Variants in TAS2R1 observed in about 807,000 individuals in gnomAD.
TAS2R1 encodes the protein taste 2 receptor member 1, also known as taste receptor type 2 member 1.
For missense variants in TAS2R1, 370 were observed against 353.4 expected (o/e 1.05, Z -0.38); for synonymous variants, 141 against 134.2 (o/e 1.05, Z -0.35).
At chr5:9,882,431 G>A in the TAS2R1 span, among the ~76,000 whole-genome samples, 2 of 152,250 alleles carry the variant, frequency 1.3e-5, no homozygotes, top group Admixed American at 1.3e-4. Context: ...TTCAAGACCA[G>A]CTAGGCCAAC....
chr5:9,645,006 A>G (rs1272305427), intron 2 of TAS2R1, among the ~76,000 whole-genome samples: 2 of 152,128 alleles, frequency 1.3e-5, no homozygotes, highest in African/African-American at 4.8e-5. Flanking sequence ...TTGATTATCT[A>G]TGTTATGCTG....
chr5:9,652,551 G>A lies in TAS2R1; in HGVS notation c.-81+6870C>T, dbSNP rs868031675. Among the ~76,000 whole-genome samples, 7 of 152,280 alleles carry A rather than the reference G, an allele frequency of 4.6e-5. No homozygotes were observed. The South Asian group carries it at 8.3e-4, about 18-fold the overall frequency. On this transcript the variant is annotated intron_variant, in intron 2 of 2. Coordinates refer to the TAS2R1 transcript ENST00000506620. ...AAGGATGTGGCTTCCTGAATAATGG[G>A]ATGGAGATTTACCATGGCTGCCTGC...
chr5:9,673,776 G>A (rs78953229), intron 1 of TAS2R1, among the ~76,000 whole-genome samples: 21,467 of 151,940 alleles, frequency 0.14, 1,856 homozygotes, highest in South Asian at 0.21. Flanking sequence ...TTTCACCTGT[G>A]CACAAACGAA....
At chr5:9,815,166 G>C in the TAS2R1 span, among the ~76,000 whole-genome samples, 1 of 152,228 alleles carries the variant, frequency 6.6e-6, no homozygotes, top group African/African-American at 2.4e-5. Flanking sequence ...GATCAAAGTA[G>C]CTACGTCAAG....
intron 2 of TAS2R1, among the ~76,000 whole-genome samples, chr5:9,636,056 T>C (rs1306377557): frequency 6.6e-6 from 1 of 152,104 alleles, no homozygotes; most frequent in African/African-American, 2.4e-5. Context: ...TTTCAGACTT[T>C]CTGATGTAGG....
chr5:9,633,100 C>A (rs897977264), upstream of TAS2R1, among the ~76,000 whole-genome samples: 1 of 151,404 alleles, frequency 6.6e-6, no homozygotes, highest in Non-Finnish European at 1.5e-5. Flanking sequence ...GTTGTATTGG[C>A]GGGCATGAAA....
At chr5:9,861,561 C>T in the TAS2R1 span, among the ~76,000 whole-genome samples, 3 of 152,150 alleles carry the variant, frequency 2.0e-5, no homozygotes, top group Admixed American at 2.0e-4. Flanking sequence ...AGAGTCTTGT[C>T]TATGGTTAGC....
chr5:9,688,871 G>A (rs1020453884), intron 1 of TAS2R1, among the ~76,000 whole-genome samples: 8 of 152,180 alleles, frequency 5.3e-5, no homozygotes, highest in African/African-American at 1.9e-4. Flanking sequence ...GAATGGAGCA[G>A]TGGGAACCCC....
the TAS2R1 span, among the ~76,000 whole-genome samples, chr5:9,883,181 C>T: frequency 6.6e-5 from 10 of 152,140 alleles, no homozygotes; most frequent in East Asian, 1.9e-4. Context: ...ACAATGAGAA[C>T]GTGTGGGCAC....
chr5:9,717,511 A>G, the TAS2R1 span, among the ~76,000 whole-genome samples: 2 of 152,184 alleles, frequency 1.3e-5, no homozygotes, highest in Admixed American at 6.5e-5. Context: ...ATTAGAAAAC[A>G]ACACACAAGA....
At chr5:9,828,531 G>A in the TAS2R1 span, among the ~76,000 whole-genome samples, 1 of 152,178 alleles carries the variant, frequency 6.6e-6, no homozygotes, top group African/African-American at 2.4e-5. Context: ...CATGAGGCAG[G>A]CTGTTAATAA....
At chr5:9,776,280 A>G in the TAS2R1 span, among the ~76,000 whole-genome samples, 8,837 of 152,208 alleles carry the variant, frequency 0.058, 737 homozygotes, top group African/African-American at 0.18. Context: ...CCCCAAGTGC[A>G]TGGATTCTCT....
At chr5:9,768,739 C>A in the TAS2R1 span, among the ~76,000 whole-genome samples, 1 of 152,188 alleles carries the variant, frequency 6.6e-6, no homozygotes, top group African/African-American at 2.4e-5. Context: ...CTGAATGTAG[C>A]AGAGAAAACA....
the TAS2R1 span, among the ~76,000 whole-genome samples, chr5:9,798,440 T>G: frequency 6.6e-6 from 1 of 152,350 alleles, no homozygotes; most frequent in Admixed American, 6.5e-5. Context: ...ACTTGGATTG[T>G]TTTTCTGATA....
At chr5:9,898,245 C>G in the TAS2R1 span, among the ~76,000 whole-genome samples, 2 of 152,152 alleles carry the variant, frequency 1.3e-5, no homozygotes, top group Non-Finnish European at 2.9e-5. Context: ...GAAAATGTGA[C>G]AGTAAATTAC....
intron 1 of TAS2R1, among the ~76,000 whole-genome samples, chr5:9,703,700 A>G (rs1741538932): frequency 6.6e-6 from 1 of 152,084 alleles, no homozygotes; most frequent in Non-Finnish European, 1.5e-5. Context: ...GTCTTGGGGA[A>G]CCTTGGCATT....
At chr5:9,879,683 T>C in the TAS2R1 span, among the ~76,000 whole-genome samples, 24,392 of 152,230 alleles carry the variant, frequency 0.16, 2,466 homozygotes, top group Non-Finnish European at 0.23. Context: ...CTCTGACCCA[T>C]AAAGATGCCT....
intron 1 of TAS2R1, among the ~76,000 whole-genome samples, chr5:9,696,328 G>C (rs954277485): frequency 1.3e-5 from 2 of 152,134 alleles, no homozygotes; most frequent in African/African-American, 4.8e-5. Context: ...GGGAGCCTGA[G>C]GGGGGCAGAT....
At chr5:9,868,256 C>T in the TAS2R1 span, among the ~76,000 whole-genome samples, 5 of 152,360 alleles carry the variant, frequency 3.3e-5, no homozygotes, top group Non-Finnish European at 7.3e-5. Flanking sequence ...ACTGCTCTAG[C>T]AGAGATTCTC....
Sources: allele counts gnomAD v4.1 joint callset (sites outside exome capture counted in the v4.1 genomes callset), GRCh38; gene constraint gnomAD v4.1.1; transcripts MANE v1.5; gene names NCBI Gene and HGNC (gene_info 2026-07-23, HGNC 2026-07-21).